The following TIAM1 variants were observed in gnomAD, a reference collection of about 807,000 sequenced individuals.
The protein encoded by TIAM1 is rho guanine nucleotide exchange factor TIAM1.
A neutral mutation model predicts 163.5 loss-of-function variants in TIAM1; 65 were observed. The ratio of observed to expected loss-of-function variants is 0.40; its 90% CI spans 0.33 to 0.49. The LOEUF (loss-of-function observed/expected upper bound fraction) is 0.49, where lower values mean the gene tolerates loss of function less well. Ranked by LOEUF, TIAM1 falls within the 20% of genes least tolerant of loss-of-function variation. The probability of loss-of-function intolerance (pLI) is 0.77; values close to 1 mark genes in which losing one functional copy is unlikely to be tolerated. For synonymous variants in TIAM1, 833 were observed against 810.1 expected (o/e 1.03, Z -0.48); for missense variants, 1,789 against 2,044.7 (o/e 0.87, Z 2.41).
At chr21:31,341,028 G>A (rs554664339) in intron 1 of TIAM1, among the ~76,000 whole-genome samples, 5 of 152,230 alleles carry the variant, frequency 3.3e-5, no homozygotes, top group African/African-American at 9.6e-5. Context: ...TTATTCTACG[G>A]CAGTAACTTC....
At position 31,482,203 on chromosome 21, in the gene TIAM1, G is replaced by A. The variant is rs199810594; in HGVS notation, c.-421-18168C>T. Among the ~76,000 whole-genome samples, 22 of 151,868 alleles carry A rather than the reference G, an allele frequency of 1.4e-4. No individual in the cohort carries two copies. In the East Asian group the frequency reaches 4.1e-3, roughly 28 times the overall value. Reference sequence around the variant, plus strand: ...ATCTTGCTCTGTCGCTCAGGCTGGAGTGCAGCGGCGCAATCTCGGCTCACT... The same window carrying A: ...ATCTTGCTCTGTCGCTCAGGCTGGAATGCAGCGGCGCAATCTCGGCTCACT... On this transcript the variant is annotated intron_variant, in intron 1 of 28. Transcript: ENST00000286827.
At chr21:31,134,042 T>C (rs1171931283) in intron 23 of TIAM1, among the ~76,000 whole-genome samples, 1 of 152,016 alleles carries the variant, frequency 6.6e-6, no homozygotes, top group Non-Finnish European at 1.5e-5. Flanking sequence ...CACTCCAGCC[T>C]GGCAACACAG....
At chr21:31,296,701 T>C (rs149777684) in intron 2 of TIAM1, among the ~76,000 whole-genome samples, 1 of 152,194 alleles carries the variant, frequency 6.6e-6, no homozygotes, top group Admixed American at 6.5e-5. Context: ...TCTCGCTCTG[T>C]CACCCAGGCT....
chr21:31,333,252 C>A (rs2075734344), intron 2 of TIAM1, among the ~76,000 whole-genome samples: 1 of 152,094 alleles, frequency 6.6e-6, no homozygotes, highest in African/African-American at 2.4e-5. Flanking sequence ...CTAGTCCAGG[C>A]ACTTTACTTC....
chr21:31,537,239 C>A (rs1285550223), intron 1 of TIAM1, among the ~76,000 whole-genome samples: 1 of 152,126 alleles, frequency 6.6e-6, no homozygotes, highest in Non-Finnish European at 1.5e-5. Context: ...GTTCCAGTGA[C>A]ATGAGTGTTT....
chr21:31,505,400 A>ATAAACAAAGAGCAAAG (rs1808808893), intron 1 of TIAM1, among the ~76,000 whole-genome samples: 1 of 152,240 alleles, frequency 6.6e-6, no homozygotes. Context: ...AAGACCTGGA[A>ATAAACAAAGAGCAAAG]ACTGGATAAA....
chr21:31,286,133 G>C (rs1335180915), intron 2 of TIAM1, among the ~76,000 whole-genome samples: 1 of 152,044 alleles, frequency 6.6e-6, no homozygotes, highest in African/African-American at 2.4e-5. Flanking sequence ...CATTGCTAGG[G>C]GGATATTATG....
At chr21:31,558,237 G>GCGCGGGGACCCAGGGCACAGT (rs1224233321) in intron 1 of TIAM1, among the ~76,000 whole-genome samples, 1 of 152,142 alleles carries the variant, frequency 6.6e-6, no homozygotes, top group Non-Finnish European at 1.5e-5. Flanking sequence ...ACGGGATAGG[G>GCGCGGGGACCCAGGGCACAGT]CGCGGGGACC....
intron 3 of TIAM1, among the ~76,000 whole-genome samples, chr21:31,269,245 C>G (rs1569139638): frequency 6.6e-6 from 1 of 152,204 alleles, no homozygotes; most frequent in African/African-American, 2.4e-5. Context: ...ACATGCATCA[C>G]GCTGATGGGT....
At chr21:31,494,765 C>G (rs1286518740) in intron 1 of TIAM1, among the ~76,000 whole-genome samples, 5 of 152,174 alleles carry the variant, frequency 3.3e-5, no homozygotes, top group African/African-American at 1.2e-4. Context: ...ACTGCTTGAA[C>G]CTCGGAGGCA....
intron 1 of TIAM1, among the ~76,000 whole-genome samples, chr21:31,492,601 C>T (rs990394793): frequency 6.6e-6 from 1 of 152,134 alleles, no homozygotes; most frequent in Non-Finnish European, 1.5e-5. Context: ...AACCAATGTA[C>T]ATCTTACACA....
Position 31,358,653 on chromosome 21 carries a change from A to C in TIAM1, c.-368-19231T>G, listed in dbSNP as rs146084688. Among the ~76,000 whole-genome samples, 453 of 151,162 alleles carry C rather than the reference A, an allele frequency of 3.0e-3. 4 individuals carry two copies. Among genetic ancestry groups the C allele is most frequent in the African/African-American group, 0.011 (441 of 41,182 alleles). On this transcript the variant is annotated intron_variant, in intron 2 of 28. Coordinates refer to the TIAM1 transcript ENST00000286827. ...TCAGTCGGAAAATTCTGTTGCATCC[A>C]CTCTCCAAATATGTGCCAATCCAAA... is the stretch of plus-strand genomic sequence containing the variant.
At chr21:31,520,288 G>A (rs112155019) in intron 1 of TIAM1, among the ~76,000 whole-genome samples, 11,495 of 149,584 alleles carry the variant, frequency 0.077, 1,196 homozygotes, top group African/African-American at 0.23. Flanking sequence ...CTGAGATCGC[G>A]CCATTGCACT....
In TIAM1 at chr21:31,253,803, G is replaced by A. The variant is rs568540282; in HGVS notation, c.964-1614C>T. Among the ~76,000 whole-genome samples the A allele has an allele frequency of 1.7e-3, 259 of 152,304 alleles. 1 individual carries two copies. Among genetic ancestry groups the A allele is most frequent in the African/African-American group, 6.0e-3 (251 of 41,562 alleles). On this transcript the variant is annotated intron_variant, in intron 4 of 27. Coordinates refer to ENST00000541036, the MANE Select transcript of TIAM1 (RefSeq NM_001353694.2). ...CTATCCTGCTTATTAACATCCACGGGTGGTCATGAAAGACCTAGAGCCAAT... is the reference window on the plus strand; with the variant it reads ...CTATCCTGCTTATTAACATCCACGGATGGTCATGAAAGACCTAGAGCCAAT...
chr21:31,186,385 C>T (rs550254585), intron 14 of TIAM1, among the ~76,000 whole-genome samples: 1 of 152,166 alleles, frequency 6.6e-6, no homozygotes, highest in African/African-American at 2.4e-5. Flanking sequence ...GGTCTTCCCC[C>T]ATGCTCTGCT....
chr21:31,129,829 G>A (rs990732225), intron 25 of TIAM1, among the ~76,000 whole-genome samples: 1 of 152,212 alleles, frequency 6.6e-6, no homozygotes, highest in African/African-American at 2.4e-5. Flanking sequence ...AAAGGCAAGT[G>A]AGTAGTTTAT....
intron 16 of TIAM1, among the ~76,000 whole-genome samples, chr21:31,163,890 G>C (rs988506448): frequency 1.8e-4 from 27 of 152,206 alleles, no homozygotes; most frequent in African/African-American, 5.8e-4. Context: ...AGAGATCGTA[G>C]AGAAATATAC....
chr21:31,494,100 G>C (rs1193269149), intron 1 of TIAM1, among the ~76,000 whole-genome samples: 1 of 152,072 alleles, frequency 6.6e-6, no homozygotes, highest in Non-Finnish European at 1.5e-5. Context: ...TTTTTATAGA[G>C]ACAGGGTTTT....
intron 27 of TIAM1, among the ~76,000 whole-genome samples, chr21:31,121,491 G>A (rs1218270226): frequency 2.0e-5 from 3 of 152,182 alleles, no homozygotes; most frequent in African/African-American, 7.2e-5. Context: ...ATGAAAAAGA[G>A]TGGCTCTCAA....
Sources: gnomAD v4.1 joint callset for allele counts (sites outside exome capture counted in the v4.1 genomes callset) on GRCh38, gnomAD v4.1.1 for gene constraint, MANE v1.5 for transcripts, NCBI Gene and HGNC (gene_info 2026-07-23, HGNC 2026-07-21) for gene names.